HCLS1: variants seen among roughly 807,000 people sequenced by gnomAD.
HCLS1 encodes the protein hematopoietic lineage cell-specific protein.
Under a neutral mutation model 68.6 loss-of-function variants are expected in HCLS1, and 44 were observed. That is an observed-to-expected ratio of 0.64 (90% CI 0.50 to 0.82). The LOEUF (loss-of-function observed/expected upper bound fraction) is 0.82. Ranked by LOEUF, HCLS1 falls within the 40% of genes least tolerant of loss-of-function variation. The probability of loss-of-function intolerance (pLI) is 0.00; values close to 1 mark genes in which losing one functional copy is unlikely to be tolerated. For synonymous variants in HCLS1, 217 were observed against 225.8 expected, an observed-to-expected ratio of 0.96 and a Z score of 0.35; for missense variants, 602 against 612.1, an observed-to-expected ratio of 0.98 and a Z score of 0.17.
chr3:121,651,008 C>T (rs900109852), intron 3 of HCLS1, among the ~76,000 whole-genome samples: 1 of 151,988 alleles, frequency 6.6e-6, no homozygotes, highest in African/African-American at 2.4e-5. Context: ...TGGTGGTGGG[C>T]GCCTGAGTCC....
At chr3:121,649,391 T>C (rs569669357) in intron 3 of HCLS1, among the ~76,000 whole-genome samples, 5 of 152,252 alleles carry the variant, frequency 3.3e-5, no homozygotes, top group African/African-American at 1.2e-4. Flanking sequence ...ATGCATGTCA[T>C]GCCCCGCTAG....
chr3:121,640,215 C>A (rs1025618864), intron 6 of HCLS1, among the ~76,000 whole-genome samples: 2 of 151,980 alleles, frequency 1.3e-5, no homozygotes, highest in South Asian at 4.2e-4. Context: ...AACTTAAAAA[C>A]CAGAAAGACT....
chr3:121,655,790 G>A (rs541518400), intron 3 of HCLS1, among the ~76,000 whole-genome samples: 14 of 146,478 alleles, frequency 9.6e-5, no homozygotes, highest in African/African-American at 3.5e-4. Flanking sequence ...CATGGTTTAA[G>A]AATAATATTC....
intron 6 of HCLS1, among the ~76,000 whole-genome samples, chr3:121,642,176 A>G (rs931580106): frequency 6.6e-6 from 1 of 151,102 alleles, no homozygotes; most frequent in African/African-American, 2.4e-5. Flanking sequence ...CATATAAAAT[A>G]GGGCCGGGCA....
chr3:121,660,131 C>T (rs1049396388), intron 1 of HCLS1, among the ~76,000 whole-genome samples: 1 of 152,126 alleles, frequency 6.6e-6, no homozygotes, highest in African/African-American at 2.4e-5. Flanking sequence ...TCTGAGGGAC[C>T]ATCACAAGGG....
intron 3 of HCLS1, chr3:121,655,396 A>G (rs1422295142): frequency 6.6e-6 from 1 of 151,450 alleles, no homozygotes; most frequent in African/African-American, 2.4e-5. Flanking sequence ...TTGACCTGTA[A>G]CTATACATCT....
At chr3:121,657,398 C>A in intron 2 of HCLS1, 46 bp from the exon 3 acceptor site, 1 of 1,588,252 alleles carries the variant, frequency 6.3e-7, no homozygotes. Context: ...AGAAATGTGC[C>A]ACATTGAGAA....
At chr3:121,635,495 C>G (rs2049142167) in intron 9 of HCLS1, among the ~76,000 whole-genome samples, 1 of 151,944 alleles carries the variant, frequency 6.6e-6, no homozygotes, top group Non-Finnish European at 1.5e-5. Context: ...CCAAGCTGTT[C>G]TTAAATTCCT....
At position 121,635,792 on chromosome 3, in the gene HCLS1, A is replaced by G; in HGVS notation, c.634T>C (p.Phe212Leu). Residue 212 changes from phenylalanine (F) to leucine (L), a missense_variant, in exon 9 of 14, where the codon TTC (phenylalanine) becomes CTC (leucine). Coordinates refer to ENST00000314583, the MANE Select transcript of HCLS1 (RefSeq NM_005335.6). ...KDRVDKSAVG[F>L]NEMEAPTTAY... ...GTGGTCGGGGCCTCCATTTCATTGA[A>G]GCCGACAGCGCTCTGCAGGCAGGAG... 6.2e-7 allele frequency: 1 copy of G among 1,614,030 alleles called. No homozygotes were observed. Among genetic ancestry groups the G allele is most frequent in the Non-Finnish European group, 8.5e-7 (1 of 1,179,978 alleles).
At chr3:121,633,224 T>A in intron 10 of HCLS1, 53 bp from the exon 11 acceptor site, 1 of 1,184,344 alleles carries the variant, frequency 8.4e-7, no homozygotes, top group South Asian at 1.4e-5. Context: ...TTCACTCCTT[T>A]TTTTTTTTTG....
intron 5 of HCLS1, 116 bp downstream of exon 5, chr3:121,644,702 A>C (rs760089351): frequency 3.7e-6 from 3 of 821,142 alleles, no homozygotes; most frequent in Non-Finnish European, 6.5e-6. Flanking sequence ...TCAGGTCCTC[A>C]CAGCATCCAC....
In HCLS1 at chr3:121,644,904, C is replaced by T. The variant is rs2049231567; in HGVS notation, c.313G>A (p.Ala105Thr). 1 of 1,613,796 alleles carries T rather than the reference C, an allele frequency of 6.2e-7. No homozygotes were observed. Among genetic ancestry groups the T allele is most frequent in the Non-Finnish European group, 8.5e-7 (1 of 1,179,880 alleles). The change falls in exon 5 of 14, where the codon GCC (alanine) becomes ACC (threonine). Residue 105 changes from alanine (A) to threonine (T), a missense_variant. Coordinates refer to ENST00000314583, the MANE Select transcript of HCLS1 (RefSeq NM_005335.6). Reference protein sequence around the residue: ...DKSAVGHEYVAEVEKHSSQTD... With the variant: ...DKSAVGHEYVTEVEKHSSQTD... ...TGAGAAGAGTGCTTCTCCACCTCGGCAACATACTCATGGCCCACTGCACTC... is the reference window on the plus strand; with the variant it reads ...TGAGAAGAGTGCTTCTCCACCTCGGTAACATACTCATGGCCCACTGCACTC...
At position 121,644,875 on chromosome 3, in the gene HCLS1, C is replaced by T. The variant is rs1045342255; in HGVS notation, c.342G>A (p.Thr114=). Residue 114 remains threonine, a synonymous_variant, in exon 5 of 14, where the codon ACG becomes ACA. Coordinates refer to ENST00000314583, the MANE Select transcript of HCLS1 (RefSeq NM_005335.6). ...TGCCCCCAAAGCCTTTGGCAGCATC[C>T]GTCTGAGAAGAGTGCTTCTCCACCT... ...VAEVEKHSSQ[T]DAAKGFGGKY... The T allele has an allele frequency of 1.2e-6, 2 of 1,613,970 alleles. No individual in the cohort carries two copies. Among genetic ancestry groups the T allele is most frequent in the African/African-American group, 1.3e-5 (1 of 74,896 alleles).
chr3:121,646,273 A>C (rs975914732), intron 4 of HCLS1, among the ~76,000 whole-genome samples: 25 of 112,730 alleles, frequency 2.2e-4, no homozygotes, highest in African/African-American at 8.5e-4. Flanking sequence ...AATATATAAT[A>C]TATATTATAT....
At chr3:121,657,707 G>T (rs1178336375) in intron 2 of HCLS1, among the ~76,000 whole-genome samples, 1 of 152,016 alleles carries the variant, frequency 6.6e-6, no homozygotes, top group African/African-American at 2.4e-5. Context: ...AGTCCCAACT[G>T]CAGGGACTAC....
intron 2 of HCLS1, 136 bp downstream of exon 2, chr3:121,658,128 C>G (rs1418531512): frequency 1.5e-6 from 1 of 682,598 alleles, no homozygotes; most frequent in African/African-American, 1.8e-5. Context: ...ATTGTCCTAC[C>G]AATTAGTCCC....
chr3:121,644,825 G>T lies in HCLS1; in HGVS notation c.392C>A (p.Ala131Glu). 3 of 1,610,856 alleles carry T rather than the reference G, an allele frequency of 1.9e-6. No individual in the cohort carries two copies. Among genetic ancestry groups the T allele is most frequent in the East Asian group, 2.2e-5 (1 of 44,862 alleles). The change falls in exon 5 of 14, where the codon GCA (alanine) becomes GAA (glutamate). Residue 131 changes from alanine to glutamate, a missense_variant. By Grantham distance (107) the Ala-to-Glu change is moderately radical (BLOSUM62 -1). Transcript: ENST00000314583. ...GAGAGAGTGGTCACTTACCTTGTCT[G>T]CCCTGTCCCTCTCAACTCCGTACTT... ...GGKYGVERDR[A>E]DKSAVGFDYK...
intron 6 of HCLS1, among the ~76,000 whole-genome samples, chr3:121,639,537 T>A (rs1234898988): frequency 6.6e-6 from 1 of 151,766 alleles, no homozygotes; most frequent in African/African-American, 2.4e-5. Flanking sequence ...TTTTTTGTTG[T>A]TGTTGTTGTT....
intron 10 of HCLS1, 133 bp downstream of exon 10, chr3:121,634,074 A>G (rs2049125855): frequency 2.0e-6 from 3 of 1,466,558 alleles, no homozygotes; most frequent in Non-Finnish European, 2.7e-6. Flanking sequence ...GAAGTCTTCT[A>G]AAGACAGAGA....
Sources: allele counts gnomAD v4.1 joint callset (sites outside exome capture counted in the v4.1 genomes callset), GRCh38; gene constraint gnomAD v4.1.1; transcripts MANE v1.5; gene names NCBI Gene and HGNC (gene_info 2026-07-23, HGNC 2026-07-21).